EPB41: variants seen among roughly 807,000 people sequenced by gnomAD.
The protein encoded by EPB41 is erythrocyte membrane protein band 4.1.
EPB41 carries 65 observed loss-of-function variants against 108.0 expected under a neutral mutation model. The observed-to-expected ratio is 0.60, with a 90% CI of 0.49 to 0.74. The LOEUF (loss-of-function observed/expected upper bound fraction) is 0.74. EPB41 is among the 30% of genes least tolerant of loss of function. The pLI, the probability that EPB41 is intolerant of heterozygous loss-of-function variation, is 0.00. For synonymous variants in EPB41, 336 were observed against 358.9 expected, an observed-to-expected ratio of 0.94 and a Z score of 0.72; for missense variants, 875 against 1,037.0, an observed-to-expected ratio of 0.84 and a Z score of 2.15.
chr1:28,959,240 C>T (rs1422212561), intron 1 of EPB41, among the ~76,000 whole-genome samples: 8 of 112,350 alleles, frequency 7.1e-5, no homozygotes, highest in African/African-American at 2.2e-4. Flanking sequence ...TTTTTTGAGA[C>T]GGAGTCTCGC....
At chr1:29,065,561 T>A (rs906694065) in intron 16 of EPB41, 14 of 156,410 alleles carry the variant, frequency 9.0e-5, no homozygotes, top group African/African-American at 3.4e-4. Flanking sequence ...AAAGCTTTAT[T>A]TGAACATTTG....
chr1:28,906,818 C>CA (rs931081156), intron 1 of EPB41, among the ~76,000 whole-genome samples: 2 of 151,516 alleles, frequency 1.3e-5, no homozygotes, highest in African/African-American at 4.9e-5. Flanking sequence ...CTCTGTTGCC[C>CA]AGGCTGGAGT....
Position 29,018,482 on chromosome 1 carries a change from C to T in EPB41, c.1124+40C>T, listed in dbSNP as rs143506647. 1.6e-4 allele frequency: 244 copies of T among 1,501,598 alleles called. No homozygotes were observed. The highest frequency in any genetic ancestry group is 6.4e-4 in the South Asian group (56 of 87,144). 93.0% of individuals were successfully genotyped at this position (1,501,598 alleles called of 1,614,324 possible). A position where few individuals can be genotyped will look rare whatever the true frequency, so the allele number is the denominator to read the frequency against. On this transcript the variant is annotated intron_variant, in intron 7 of 20. Coordinates refer to ENST00000343067, the MANE Select transcript of EPB41 (RefSeq NM_001376013.1). The surrounding 1 kb of genome is among the most constrained non-coding windows in gnomAD (Gnocchi z 4.4). The stretch of plus-strand genomic sequence containing the variant: ...AGGGTTTGTTCGGTGTTTGTTTTGG[C>T]GATTAGTTTAAACACAACATGGTAT...
At chr1:29,069,445 A>G in intron 16 of EPB41, 1 of 1,222,814 alleles carries the variant, frequency 8.2e-7, no homozygotes, top group Non-Finnish European at 1.0e-6. Flanking sequence ...GATGGTCATT[A>G]TTATTTATTT....
chr1:28,953,166 C>T (rs1168419876), intron 1 of EPB41, among the ~76,000 whole-genome samples: 2 of 151,858 alleles, frequency 1.3e-5, no homozygotes, highest in Admixed American at 1.3e-4. Flanking sequence ...TCTTTCAGTC[C>T]ATAGGTATAC....
intron 16 of EPB41, among the ~76,000 whole-genome samples, chr1:29,077,286 T>C (rs1452817929): frequency 4.6e-5 from 7 of 151,992 alleles, no homozygotes; most frequent in African/African-American, 1.7e-4. Flanking sequence ...AAAGCTCTTA[T>C]CCAGCTGGCC....
At chr1:29,090,363 G>T (rs576564590) in intron 16 of EPB41, among the ~76,000 whole-genome samples, 1 of 152,120 alleles carries the variant, frequency 6.6e-6, no homozygotes, top group Non-Finnish European at 1.5e-5. Context: ...GGGGGTTAGC[G>T]GATAAATGTA....
At chr1:29,056,546 GACGGAGTCTTGCTCTGTC>G (rs1416457824) in intron 12 of EPB41, among the ~76,000 whole-genome samples, 3 of 151,838 alleles carry the variant, frequency 2.0e-5, no homozygotes, top group Non-Finnish European at 2.9e-5. Flanking sequence ...TTTTTTTTGA[GACGGAGTCTTGCTCTGTC>G]ACCCAGGCTG....
chr1:29,013,845 T>TTA (rs2096542303), intron 5 of EPB41, among the ~76,000 whole-genome samples: 1 of 146,910 alleles, frequency 6.8e-6, no homozygotes, highest in South Asian at 2.1e-4. Context: ...TTTTTTTTTT[T>TTA]TTTTTTTTTT....
At chr1:28,916,644 T>C (rs2092694713) in intron 1 of EPB41, among the ~76,000 whole-genome samples, 1 of 152,166 alleles carries the variant, frequency 6.6e-6, no homozygotes, top group Non-Finnish European at 1.5e-5. Flanking sequence ...CAAAAAAAGG[T>C]GAACTCATTG....
chr1:29,112,299 C>A, intron 18 of EPB41, 69 bp from the exon 19 acceptor site: 1 of 1,317,028 alleles, frequency 7.6e-7, no homozygotes, highest in Non-Finnish European at 1.1e-6. Flanking sequence ...CTAAACCTGG[C>A]CTCTTTTTCT....
At chr1:28,985,215 C>T (rs775446189) in intron 1 of EPB41, among the ~76,000 whole-genome samples, 5 of 152,176 alleles carry the variant, frequency 3.3e-5, no homozygotes, top group Admixed American at 1.3e-4. Context: ...CTGCCCGCCT[C>T]GGCCTCCCAA....
At chr1:28,999,225 C>T (rs908193795) in intron 4 of EPB41, among the ~76,000 whole-genome samples, 2 of 152,152 alleles carry the variant, frequency 1.3e-5, no homozygotes, top group African/African-American at 2.4e-5. Flanking sequence ...AAAAAATTAG[C>T]CAGGCATGGT....
intron 1 of EPB41, among the ~76,000 whole-genome samples, chr1:28,930,444 A>AG (rs1156499680): frequency 6.6e-6 from 1 of 150,722 alleles, no homozygotes; most frequent in Non-Finnish European, 1.5e-5. Context: ...CTGGGATTAC[A>AG]GGCATGAACC....
At chr1:28,965,803 A>C (rs1054375654) in intron 1 of EPB41, among the ~76,000 whole-genome samples, 2 of 152,244 alleles carry the variant, frequency 1.3e-5, no homozygotes, top group Non-Finnish European at 2.9e-5. Context: ...AATACTTGGA[A>C]TAAACTTTAG....
intron 1 of EPB41, among the ~76,000 whole-genome samples, chr1:28,950,143 C>T (rs1013911860): frequency 2.0e-5 from 3 of 152,086 alleles, no homozygotes; most frequent in Non-Finnish European, 2.9e-5. Context: ...GTGTAAGCAT[C>T]TCAAAGTTTC....
At chr1:28,968,802 TA>T (rs2095423361) in intron 1 of EPB41, among the ~76,000 whole-genome samples, 1 of 151,988 alleles carries the variant, frequency 6.6e-6, no homozygotes, top group African/African-American at 2.4e-5. Flanking sequence ...CCGTCTCTAC[TA>T]AAAATACAAA....
At chr1:28,913,661 A>T (rs74971520), upstream of EPB41, among the ~76,000 whole-genome samples, 1,024 of 152,210 alleles carry the variant, frequency 6.7e-3, 15 homozygotes, top group Non-Finnish European at 6.4e-3. Flanking sequence ...CAGTTTCCTC[A>T]TCTCTAAAAT....
chr1:28,974,851 G>A (rs1210857110), intron 1 of EPB41, among the ~76,000 whole-genome samples: 6 of 150,448 alleles, frequency 4.0e-5, no homozygotes, highest in African/African-American at 9.8e-5. Context: ...CTGGAGTGCC[G>A]TGGCGTGATC....
Sources: gnomAD v4.1 joint callset for allele counts (sites outside exome capture counted in the v4.1 genomes callset) on GRCh38, gnomAD v4.1.1 for gene constraint, Gnocchi (gnomAD v3.1) non-coding constraint, MANE v1.5 for transcripts, NCBI Gene and HGNC (gene_info 2026-07-23, HGNC 2026-07-21) for gene names.